The following CSMD3 variants were observed in gnomAD, a reference collection of about 807,000 sequenced individuals.
The protein encoded by CSMD3 is CUB and Sushi multiple domains 3.
CSMD3 carries 177 observed loss-of-function variants against 435.2 expected under a neutral mutation model. The ratio of observed to expected loss-of-function variants is 0.41; its 90% CI spans 0.36 to 0.46. The LOEUF (loss-of-function observed/expected upper bound fraction) is 0.46, where lower values mean the gene tolerates loss of function less well. Among genes scored for constraint, CSMD3 ranks in the 20% least tolerant of loss-of-function variants. CSMD3 has a pLI of 0.34. For synonymous variants in CSMD3, 1,656 were observed against 1,520.5 expected (o/e 1.09, Z -2.07); for missense variants, 4,265 against 4,504.6 (o/e 0.95, Z 1.52).
At chr8:112,494,045 TA>T (rs1472447516) in intron 30 of CSMD3, among the ~76,000 whole-genome samples, 2 of 152,114 alleles carry the variant, frequency 1.3e-5, no homozygotes, top group Non-Finnish European at 2.9e-5. Context: ...TATATCAAAA[TA>T]TAATTAACTA....
At chr8:112,972,488 C>T (rs1193284468) in intron 7 of CSMD3, among the ~76,000 whole-genome samples, 1 of 151,306 alleles carries the variant, frequency 6.6e-6, no homozygotes, top group Non-Finnish European at 1.5e-5. Flanking sequence ...CCTTTATATC[C>T]AGTTCCATTT....
At chr8:112,431,905 A>G (rs1273574491) in intron 32 of CSMD3, among the ~76,000 whole-genome samples, 1 of 152,152 alleles carries the variant, frequency 6.6e-6, no homozygotes, top group East Asian at 1.9e-4. Flanking sequence ...CCACACCTCT[A>G]TGCACAGCTT....
At chr8:112,525,768 A>ATT (rs1279067208) in intron 27 of CSMD3, among the ~76,000 whole-genome samples, 1 of 141,670 alleles carries the variant, frequency 7.1e-6, no homozygotes, top group South Asian at 2.2e-4. Flanking sequence ...ATATATATAT[A>ATT]TATTTATATG....
At chr8:113,156,822 T>C (rs1029410485) in intron 4 of CSMD3, among the ~76,000 whole-genome samples, 15 of 151,690 alleles carry the variant, frequency 9.9e-5, no homozygotes, top group Non-Finnish European at 2.2e-4. Context: ...TCCTAGATAT[T>C]CGGGAGGCTG....
chr8:112,393,873 T>C (rs983099414), intron 35 of CSMD3, among the ~76,000 whole-genome samples: 1 of 122,790 alleles, frequency 8.1e-6, no homozygotes, highest in African/African-American at 3.4e-5. Context: ...TTCTCTATTA[T>C]TGGCTGCACT....
At chr8:112,236,819 G>A (rs762435417) in intron 67 of CSMD3, among the ~76,000 whole-genome samples, 3 of 152,052 alleles carry the variant, frequency 2.0e-5, no homozygotes, top group African/African-American at 7.2e-5. Context: ...GTCATTTGAA[G>A]AAATAGCTTT....
At chr8:113,366,328 T>C (rs1230423752) in intron 1 of CSMD3, among the ~76,000 whole-genome samples, 1 of 151,942 alleles carries the variant, frequency 6.6e-6, no homozygotes, top group Non-Finnish European at 1.5e-5. Context: ...GGAGAGACAC[T>C]GATTTCTAAT....
intron 35 of CSMD3, among the ~76,000 whole-genome samples, chr8:112,405,554 T>G (rs927954313): frequency 6.6e-6 from 1 of 151,660 alleles, no homozygotes; most frequent in Non-Finnish European, 1.5e-5. Flanking sequence ...TAATTTTAGA[T>G]AGTATACATT....
intron 10 of CSMD3, among the ~76,000 whole-genome samples, chr8:112,871,888 A>G (rs1337874152): frequency 9.2e-5 from 14 of 152,090 alleles, no homozygotes; most frequent in African/African-American, 3.4e-4. Flanking sequence ...TTTAACCACA[A>G]AAATAAGGAT....
intron 22 of CSMD3, among the ~76,000 whole-genome samples, chr8:112,618,442 C>T (rs1833817882): frequency 6.6e-6 from 1 of 152,040 alleles, no homozygotes. Context: ...GAGGAAACAT[C>T]CTAAACCAGA....
chr8:113,292,490 G>C (rs1412591031), intron 2 of CSMD3, among the ~76,000 whole-genome samples: 1 of 151,740 alleles, frequency 6.6e-6, no homozygotes, highest in Non-Finnish European at 1.5e-5. Context: ...ATATTATGAA[G>C]AGAAAATTGT....
Position 113,432,686 on chromosome 8 carries a change from C to T in CSMD3, c.178+3991G>A, listed in dbSNP as rs774247394. ...GTTTCCCCAATGTGCTTTCCGAACT[C>T]CCCGAGTGCGTCTTAGATAAGTTAT... On this transcript the variant is annotated intron_variant, in intron 1 of 70. Transcript: ENST00000297405. Among the ~76,000 whole-genome samples the T allele has an allele frequency of 2.6e-5, 4 of 152,288 alleles. No homozygotes were observed. The South Asian group carries it at 8.3e-4, about 32-fold the overall frequency.
At chr8:113,223,492 C>T (rs947224312) in intron 3 of CSMD3, among the ~76,000 whole-genome samples, 38 of 150,488 alleles carry the variant, frequency 2.5e-4, no homozygotes, top group African/African-American at 8.7e-4. Context: ...GATTGTAAAA[C>T]ACTTTGAAGA....
chr8:112,757,776 A>G (rs2077735223), intron 13 of CSMD3, among the ~76,000 whole-genome samples: 1 of 152,162 alleles, frequency 6.6e-6, no homozygotes, highest in African/African-American at 2.4e-5. Flanking sequence ...TTTTTAGGCC[A>G]GGCATGGTGG....
intron 12 of CSMD3, among the ~76,000 whole-genome samples, chr8:112,818,973 G>C (rs2079454531): frequency 6.6e-6 from 1 of 151,944 alleles, no homozygotes; most frequent in Non-Finnish European, 1.5e-5. Flanking sequence ...GTTCAAGAGG[G>C]ATCAGAAATC....
intron 3 of CSMD3, among the ~76,000 whole-genome samples, chr8:113,220,110 T>C (rs1456500417): frequency 1.3e-5 from 2 of 151,434 alleles, no homozygotes; most frequent in African/African-American, 4.8e-5. Flanking sequence ...GAAAGCTTAA[T>C]AAAATACTCT....
At chr8:112,296,070 C>CAAATA in intron 53 of CSMD3, 64 bp from the exon 54 acceptor site, 6 of 1,287,260 alleles carry the variant, frequency 4.7e-6, no homozygotes, top group Middle Eastern at 2.6e-4. Flanking sequence ...TATTTATATA[C>CAAATA]ATGTGGAACA....
intron 5 of CSMD3, among the ~76,000 whole-genome samples, chr8:113,048,238 G>A (rs2087927608): frequency 6.6e-6 from 1 of 151,822 alleles, no homozygotes; most frequent in East Asian, 1.9e-4. Context: ...GATTACAGGC[G>A]CCCACTAACA....
Position 112,492,502 on chromosome 8 carries a change from C to T in CSMD3, c.5265G>A (p.Leu1755=), listed in dbSNP as rs1820797742. 6.2e-7 allele frequency: 1 copy of T among 1,613,460 alleles called. No homozygotes were observed. The highest frequency in any genetic ancestry group is 8.5e-7 in the Non-Finnish European group (1 of 1,179,552). Residue 1755 remains leucine (L), a synonymous_variant, in exon 31 of 71, where the codon TTG becomes TTA. Coordinates refer to ENST00000297405, the MANE Select transcript of CSMD3 (RefSeq NM_198123.2). ...TATGTTCCTTACCATGACAACTTGG[C>T]AAGGCTCTATTCCATCCAGGTCTTC... The part of the protein sequence containing the change: ...DDGRPGWNRA[L]PSCHAPCGSR...
Sources: allele counts gnomAD v4.1 joint callset (sites outside exome capture counted in the v4.1 genomes callset), GRCh38; gene constraint gnomAD v4.1.1; transcripts MANE v1.5; gene names NCBI Gene and HGNC (gene_info 2026-07-23, HGNC 2026-07-21).